The following PTPRD variants were observed in gnomAD, a reference collection of about 807,000 sequenced individuals.
PTPRD encodes the protein receptor-type tyrosine-protein phosphatase delta.
PTPRD carries 34 observed loss-of-function variants against 214.5 expected under a neutral mutation model. The ratio of observed to expected loss-of-function variants is 0.16; its 90% CI spans 0.12 to 0.21. The LOEUF is 0.21. Among genes scored for constraint, PTPRD ranks in the 10% least tolerant of loss-of-function variants. PTPRD has a pLI of 1.00. For missense variants in PTPRD, 2,545 were observed against 2,398.7 expected (o/e 1.06, Z -1.27); for synonymous variants, 1,128 against 845.7 (o/e 1.33, Z -5.79).
intron 9 of PTPRD, among the ~76,000 whole-genome samples, chr9:9,223,558 C>T (rs750169208): frequency 6.6e-6 from 1 of 151,912 alleles, no homozygotes; most frequent in Non-Finnish European, 1.5e-5. Flanking sequence ...ACAGCCTATG[C>T]CTAACAAATG....
intron 31 of PTPRD, among the ~76,000 whole-genome samples, chr9:8,470,571 C>G (rs552285911): frequency 4.5e-4 from 68 of 152,214 alleles, no homozygotes; most frequent in African/African-American, 1.5e-3. Context: ...AAGACCATAT[C>G]GTAGGTCAAA....
intron 9 of PTPRD, among the ~76,000 whole-genome samples, chr9:9,297,479 C>T (rs961025143): frequency 1.3e-5 from 2 of 151,338 alleles, no homozygotes; most frequent in Non-Finnish European, 3.0e-5. Flanking sequence ...TAAATATCAC[C>T]AAAATTAAAC....
chr9:8,515,671 G>A (rs1449908098), intron 21 of PTPRD, among the ~76,000 whole-genome samples: 3 of 152,132 alleles, frequency 2.0e-5, no homozygotes, highest in African/African-American at 7.2e-5. Flanking sequence ...TACATGTCAT[G>A]GTACAGCAAA....
At chr9:8,825,909 G>A (rs2097166166) in intron 11 of PTPRD, among the ~76,000 whole-genome samples, 1 of 152,142 alleles carries the variant, frequency 6.6e-6, no homozygotes, top group African/African-American at 2.4e-5. Context: ...TGGTGTTGGT[G>A]GGTTTTGGCC....
intron 3 of PTPRD, among the ~76,000 whole-genome samples, chr9:10,301,770 G>C (rs1239307406): frequency 6.6e-6 from 1 of 152,190 alleles, no homozygotes; most frequent in East Asian, 1.9e-4. Context: ...ATGGGACTAT[G>C]TGAAAAGACC....
At chr9:10,213,096 T>G (rs2099524607) in intron 3 of PTPRD, among the ~76,000 whole-genome samples, 1 of 152,154 alleles carries the variant, frequency 6.6e-6, no homozygotes, top group Non-Finnish European at 1.5e-5. Context: ...TGATAAACCT[T>G]TGGCACCATA....
intron 11 of PTPRD, among the ~76,000 whole-genome samples, chr9:8,742,814 T>A (rs2092231136): frequency 6.6e-6 from 1 of 152,152 alleles, no homozygotes; most frequent in East Asian, 1.9e-4. Context: ...AGGTGTAATA[T>A]TTATTGGTAG....
intron 9 of PTPRD, among the ~76,000 whole-genome samples, chr9:9,238,344 A>G (rs2130789980): frequency 6.6e-6 from 1 of 152,244 alleles, no homozygotes; most frequent in South Asian, 2.1e-4. Flanking sequence ...GTCACTGACA[A>G]GAGATGCAGT....
chr9:10,124,076 T>C (rs2098797075), intron 3 of PTPRD, among the ~76,000 whole-genome samples: 1 of 152,202 alleles, frequency 6.6e-6, no homozygotes, highest in African/African-American at 2.4e-5. Context: ...CCAAGCTGCA[T>C]TTAGAGAACT....
chr9:10,433,477 C>A lies in PTPRD; in HGVS notation c.-599-92460G>T, dbSNP rs563968001. The stretch of plus-strand genomic sequence containing the variant: ...GCTCAATTTCTGATAGGGATATCCT[C>A]TGCTCTTTGCATTTCAGTTACGTAT... On this transcript the variant is annotated intron_variant, in intron 2 of 45. Transcript: ENST00000381196. Among the ~76,000 whole-genome samples, 4 of 152,042 alleles carry A rather than the reference C, an allele frequency of 2.6e-5. No homozygotes were observed. The South Asian group carries it at 6.2e-4, about 24-fold the overall frequency.
intron 5 of PTPRD, among the ~76,000 whole-genome samples, chr9:9,904,412 T>C (rs747248688): frequency 1.7e-4 from 26 of 152,222 alleles, no homozygotes; most frequent in Non-Finnish European, 3.5e-4. Context: ...TGTTTTCAAA[T>C]TGAAATCTTT....
chr9:10,337,948 T>G (rs1293621061), intron 3 of PTPRD, among the ~76,000 whole-genome samples: 1 of 151,750 alleles, frequency 6.6e-6, no homozygotes, highest in Non-Finnish European at 1.5e-5. Flanking sequence ...TGCATTTTCT[T>G]AACACTTTCC....
intron 24 of PTPRD, among the ~76,000 whole-genome samples, chr9:8,500,492 C>A (rs2097371311): frequency 7.8e-6 from 1 of 128,222 alleles, no homozygotes. Flanking sequence ...GGCTGGACTG[C>A]AAGACCATAG....
intron 11 of PTPRD, among the ~76,000 whole-genome samples, chr9:8,949,212 A>C (rs1348080822): frequency 6.7e-6 from 1 of 149,080 alleles, no homozygotes; most frequent in African/African-American, 2.5e-5. Flanking sequence ...CAACAGAGCG[A>C]GACTCCATCT....
At chr9:8,597,897 C>T (rs1240457512) in intron 14 of PTPRD, among the ~76,000 whole-genome samples, 2 of 152,118 alleles carry the variant, frequency 1.3e-5, no homozygotes, top group East Asian at 3.9e-4. Context: ...AAAATGTACT[C>T]ATTTTTCTTG....
chr9:8,501,041 TGAG>T lies in PTPRD; in HGVS notation c.1838_1840del (p.Pro613del). ...ACTTGGGCTGGTGCAACTAATGTCTTGAGGAGGAGCTGACGGCTCTTATTTTGG... is the reference window on the plus strand; with the variant it reads ...ACTTGGGCTGGTGCAACTAATGTCTTGAGGAGCTGACGGCTCTTATTTTGG... On this transcript the variant is annotated inframe_deletion, in exon 24 of 46. Transcript: ENST00000381196. 6.2e-7 allele frequency: 1 copy of T among 1,612,798 alleles called. No homozygotes were observed. The highest frequency in any genetic ancestry group is 8.5e-7 in the Non-Finnish European group (1 of 1,179,098).
At chr9:8,941,402 A>G (rs1588508828) in intron 11 of PTPRD, among the ~76,000 whole-genome samples, 1 of 152,180 alleles carries the variant, frequency 6.6e-6, no homozygotes, top group African/African-American at 2.4e-5. Flanking sequence ...ATATAATTTT[A>G]TAACATATGT....
At chr9:8,321,327 C>CA (rs1316359642) in intron 44 of PTPRD, among the ~76,000 whole-genome samples, 1 of 150,608 alleles carries the variant, frequency 6.6e-6, no homozygotes, top group Non-Finnish European at 1.5e-5. Flanking sequence ...TAAGTATTTT[C>CA]AAAAAAAGAA....
At chr9:9,754,811 G>T (rs1386734982) in intron 6 of PTPRD, among the ~76,000 whole-genome samples, 1 of 151,980 alleles carries the variant, frequency 6.6e-6, no homozygotes, top group Non-Finnish European at 1.5e-5. Context: ...TTGGTATGCT[G>T]AATAAGCTGT....
Sources: allele counts gnomAD v4.1 joint callset (sites outside exome capture counted in the v4.1 genomes callset), GRCh38; gene constraint gnomAD v4.1.1; transcripts MANE v1.5; gene names NCBI Gene and HGNC (gene_info 2026-07-23, HGNC 2026-07-21).